The following PIWIL1 variants were observed in gnomAD, a reference collection of about 807,000 sequenced individuals.
The protein encoded by PIWIL1 is piwi like RNA-mediated gene silencing 1, also known as piwi-like protein 1.
Under a neutral mutation model 114.4 loss-of-function variants are expected in PIWIL1, and 73 were observed. The ratio of observed to expected loss-of-function variants is 0.64; its 90% confidence interval spans 0.53 to 0.78. The LOEUF is 0.78. Ranked by LOEUF, PIWIL1 falls within the 30% of genes least tolerant of loss-of-function variation. The pLI is 0.00. For synonymous variants in PIWIL1, 375 were observed against 369.0 expected (o/e 1.02, Z -0.19); for missense variants, 723 against 1,063.1 (o/e 0.68, Z 4.45).
intron 3 of PIWIL1, chr12:130,345,499 G>A (rs542926123): frequency 5.5e-6 from 2 of 361,154 alleles, no homozygotes; most frequent in Non-Finnish European, 1.0e-5. Context: ...CTTGATTCAA[G>A]GTGCACATCT....
the PIWIL1 span, chr12:130,424,081 T>G: frequency 3.3e-6 from 3 of 915,278 alleles, no homozygotes; most frequent in Non-Finnish European, 4.3e-6. The surrounding 1 kb of genome is among the most constrained non-coding windows in gnomAD (Gnocchi z 9.8). Flanking sequence ...AGAAAACCAG[T>G]GAAAGGATGG....
the PIWIL1 span, among the ~76,000 whole-genome samples, chr12:130,404,792 C>T: frequency 1.3e-5 from 2 of 152,076 alleles, no homozygotes; most frequent in East Asian, 3.8e-4. Context: ...GGAGGTGGGA[C>T]TCTTTACAAA....
chr12:130,360,594 C>T (rs1322367567), intron 14 of PIWIL1, among the ~76,000 whole-genome samples: 1 of 152,188 alleles, frequency 6.6e-6, no homozygotes, highest in African/African-American at 2.4e-5. Flanking sequence ...GATCGCACCA[C>T]TGCATTCCAG....
At chr12:130,424,491 T>C in the PIWIL1 span, 12 of 1,232,002 alleles carry the variant, frequency 9.7e-6, no homozygotes, top group Non-Finnish European at 1.2e-5. This position sits in a 1 kb window ranked among gnomAD's most constrained non-coding sequence, Gnocchi z 9.8. Context: ...CGACTCGTCC[T>C]CTTCACTCCC....
chr12:130,357,813 G>C (rs577258742), intron 14 of PIWIL1, among the ~76,000 whole-genome samples: 11 of 152,290 alleles, frequency 7.2e-5, no homozygotes, highest in Admixed American at 5.9e-4. Flanking sequence ...CAGACCCAAA[G>C]GCTTTACTTA....
intron 3 of PIWIL1, among the ~76,000 whole-genome samples, chr12:130,344,316 C>A (rs1347107905): frequency 2.0e-5 from 3 of 152,078 alleles, no homozygotes; most frequent in Non-Finnish European, 4.4e-5. Flanking sequence ...TCAAACCAAG[C>A]CTCTGGGATA....
chr12:130,360,710 C>T lies in PIWIL1; in HGVS notation c.1666-470C>T, dbSNP rs75602979. Among the ~76,000 whole-genome samples the T allele has an allele frequency of 1.1e-4, 17 of 152,318 alleles. No individual in the cohort carries two copies. The East Asian group carries it at 2.3e-3, about 21-fold the overall frequency. On this transcript the variant is annotated intron_variant, in intron 14 of 20. Coordinates refer to ENST00000245255, the MANE Select transcript of PIWIL1 (RefSeq NM_004764.5). Reference sequence around the variant, plus strand: ...GGGGCAGGGGCATGTTGAGATCAGGCGCTCTGTTTTGTCCCCAGAATTGTC... The same window carrying T: ...GGGGCAGGGGCATGTTGAGATCAGGTGCTCTGTTTTGTCCCCAGAATTGTC...
At chr12:130,403,644 T>C in the PIWIL1 span, among the ~76,000 whole-genome samples, 1 of 151,748 alleles carries the variant, frequency 6.6e-6, no homozygotes, top group East Asian at 1.9e-4. Flanking sequence ...CTTCAAATAA[T>C]AGTAATTGCT....
chr12:130,384,984 G>A, the PIWIL1 span, among the ~76,000 whole-genome samples: 9 of 152,100 alleles, frequency 5.9e-5, no homozygotes, highest in African/African-American at 4.8e-5. Context: ...AAAATTCCCC[G>A]AAACAATAAA....
At chr12:130,424,823 G>C in the PIWIL1 span, 15 of 1,232,722 alleles carry the variant, frequency 1.2e-5, no homozygotes, top group Admixed American at 4.6e-4. The surrounding 1 kb of genome is among the most constrained non-coding windows in gnomAD (Gnocchi z 9.8). Context: ...GCTGCTCCCA[G>C]AAAGTGCCTT....
the PIWIL1 span, chr12:130,397,227 G>A: frequency 4.4e-4 from 171 of 390,732 alleles, no homozygotes; most frequent in Non-Finnish European, 7.0e-4. Context: ...GTGGTTGGTA[G>A]TGCAAAAGTG....
rs1400263427 is a variant in PIWIL1 at position 130,343,015 on chromosome 12, C to T, written c.104C>T (p.Pro35Leu). Residue 35 changes from proline to leucine, a missense_variant, in exon 3 of 21, where the codon CCT becomes CTT. By Grantham distance (98) the Pro-to-Leu change is moderately conservative (BLOSUM62 -3). This residue lies in a region of PIWIL1 where 91 missense variants were observed against 76.2 expected (regional missense o/e 1.19). Coordinates refer to ENST00000245255, the MANE Select transcript of PIWIL1 (RefSeq NM_004764.5). ...AGTCAGCAACCTGGTTATATTCAGC[C>T]TAGGCCTCAGCCGCCACCAGCAGAG... ...TASQQPGYIQ[P>L]RPQPPPAEGE... 6.2e-7 allele frequency: 1 copy of T among 1,614,078 alleles called. No homozygotes were observed.
the PIWIL1 span, among the ~76,000 whole-genome samples, chr12:130,413,205 T>C: frequency 2.6e-5 from 4 of 152,198 alleles, no homozygotes; most frequent in African/African-American, 9.6e-5. Context: ...TAGCAGGCAT[T>C]CCGACCGTTC....
At chr12:130,424,041 G>C in the PIWIL1 span, 4 of 578,900 alleles carry the variant, frequency 6.9e-6, no homozygotes, top group Admixed American at 8.7e-5. The surrounding 1 kb of genome is among the most constrained non-coding windows in gnomAD (Gnocchi z 9.8). Context: ...GCCAGCAAGA[G>C]AGTCCCCAGG....
rs184151974 is a variant in PIWIL1 at position 130,344,546 on chromosome 12, A to T, written c.191-1207A>T. The stretch of plus-strand genomic sequence containing the variant: ...ATTAAATAACTGGTTTCCAAAGTAT[A>T]GCAAGGACTGAAATATTTTAAGCCA... On this transcript the variant is annotated intron_variant, in intron 3 of 20. Transcript: ENST00000245255. Among the ~76,000 whole-genome samples the T allele has an allele frequency of 9.8e-5, 15 of 152,388 alleles. No homozygotes were observed. In the East Asian group the frequency reaches 2.9e-3, roughly 29 times the overall value.
the PIWIL1 span, among the ~76,000 whole-genome samples, chr12:130,402,119 C>A: frequency 6.6e-6 from 1 of 152,186 alleles, no homozygotes; most frequent in South Asian, 2.1e-4. Flanking sequence ...TCACTCCCTT[C>A]CCCATGTCTG....
the PIWIL1 span, among the ~76,000 whole-genome samples, chr12:130,381,424 A>G: frequency 1.3e-5 from 2 of 152,172 alleles, no homozygotes; most frequent in Non-Finnish European, 2.9e-5. Context: ...ATCACACGGT[A>G]TGTAACTTTC....
chr12:130,356,438 C>T (rs556390359), intron 12 of PIWIL1, among the ~76,000 whole-genome samples: 3 of 152,176 alleles, frequency 2.0e-5, no homozygotes, highest in South Asian at 4.2e-4. Flanking sequence ...CAGAAGACAC[C>T]GGGCTGCTCC....
chr12:130,399,562 T>A, the PIWIL1 span: 2 of 1,212,152 alleles, frequency 1.6e-6, no homozygotes, highest in East Asian at 2.4e-5. Context: ...AGAAAAAAAA[T>A]TCAGGGTGTA....
Sources: gnomAD v4.1 joint callset for allele counts (sites outside exome capture counted in the v4.1 genomes callset) on GRCh38, gnomAD v4.1.1 for gene constraint, gnomAD v4.1.1 regional missense constraint, Gnocchi (gnomAD v3.1) non-coding constraint, MANE v1.5 for transcripts, NCBI Gene and HGNC (gene_info 2026-07-23, HGNC 2026-07-21) for gene names.